The following CCDC102A variants were observed in gnomAD, a reference collection of about 807,000 sequenced individuals.
The protein encoded by CCDC102A is coiled-coil domain containing 102A, also known as coiled-coil domain-containing protein 102A.
In CCDC102A, 40 loss-of-function variants were observed where a neutral mutation model predicts 55.5. That is an observed-to-expected ratio of 0.72 (90% CI 0.56 to 0.94). CCDC102A has a LOEUF of 0.94. CCDC102A is among the 40% of genes least tolerant of loss of function. The pLI, the probability that CCDC102A is intolerant of heterozygous loss-of-function variation, is 0.00. For missense variants in CCDC102A, 779 were observed against 768.6 expected, an observed-to-expected ratio of 1.01 and a Z score of -0.16; for synonymous variants, 323 against 339.0, an observed-to-expected ratio of 0.95 and a Z score of 0.52.
rs960201357 is a variant in CCDC102A, at chr16:57,516,710, A to G, written c.1249-247T>C. The G allele has an allele frequency of 8.9e-6, 5 of 564,350 alleles. No homozygotes were observed. The African/African-American group carries it at 9.4e-5, about 11-fold the overall frequency. The allele number at this position is 564,350 out of a possible 1,614,324, so 35.0% of individuals were successfully genotyped here. ...ACCTGTGGCTCCGGTTTGGATGTGT[A>G]ACTTTCAGATGCTACTGGATCTACC... On this transcript the variant is annotated intron_variant, in intron 6 of 8. Coordinates refer to ENST00000258214, the MANE Select transcript of CCDC102A (RefSeq NM_033212.4). The surrounding 1 kb of genome is among the most constrained non-coding windows in gnomAD (Gnocchi z 4.4).
rs1415223400 is a variant in CCDC102A at position 57,512,358 on chromosome 16, G to T, written c.*383C>A. 2 of 399,586 alleles carry T rather than the reference G, an allele frequency of 5.0e-6. No homozygotes were observed. Among genetic ancestry groups the T allele is most frequent in the Non-Finnish European group, 4.4e-6 (1 of 226,866 alleles). 24.8% of individuals were successfully genotyped at this position (399,586 alleles called of 1,614,324 possible). On this transcript the variant is annotated 3_prime_UTR_variant, in exon 9 of 9. Coordinates refer to ENST00000258214, the MANE Select transcript of CCDC102A (RefSeq NM_033212.4). Reference sequence around the variant, plus strand: ...GGTTCACTGCATTGTATGATGAACAGCGAAGCCTAGAGAGGCAGCCCAGGG... The same window carrying T: ...GGTTCACTGCATTGTATGATGAACATCGAAGCCTAGAGAGGCAGCCCAGGG...
chr16:57,533,152 C>T (rs1415673691), intron 1 of CCDC102A, among the ~76,000 whole-genome samples: 2 of 152,204 alleles, frequency 1.3e-5, no homozygotes, highest in East Asian at 1.9e-4. Context: ...TTCTCCTTCC[C>T]AGCGGCCTGG....
chr16:57,525,773 G>T, intron 3 of CCDC102A, 128 bp downstream of exon 3: 2 of 832,620 alleles, frequency 2.4e-6, no homozygotes, highest in Non-Finnish European at 1.9e-6. Flanking sequence ...GAACACCACT[G>T]CTCTACAGTT....
chr16:57,517,844 T>C (rs1360813291), intron 6 of CCDC102A, among the ~76,000 whole-genome samples: 1 of 152,256 alleles, frequency 6.6e-6, no homozygotes, highest in African/African-American at 2.4e-5. Context: ...AGGCCACATC[T>C]GTCTGTTCAG....
At chr16:57,532,875 G>A (rs868508769) in intron 1 of CCDC102A, among the ~76,000 whole-genome samples, 4 of 152,226 alleles carry the variant, frequency 2.6e-5, no homozygotes, top group Admixed American at 6.5e-5. Flanking sequence ...GCCGGCAGCT[G>A]TGCTGGGTAT....
At chr16:57,514,666 C>A (rs1054267424) in intron 8 of CCDC102A, among the ~76,000 whole-genome samples, 1 of 152,242 alleles carries the variant, frequency 6.6e-6, no homozygotes, top group Admixed American at 6.5e-5. Context: ...ACCATTCAGG[C>A]AGTCTGGCTG....
In CCDC102A at chr16:57,516,208, G is replaced by A; in HGVS notation, c.1419+85C>T. 1 of 1,395,428 alleles carries A rather than the reference G, an allele frequency of 7.2e-7. No homozygotes were observed. The highest frequency in any genetic ancestry group is 9.8e-7 in the Non-Finnish European group (1 of 1,018,446). 86.4% of individuals were successfully genotyped at this position (1,395,428 alleles called of 1,614,324 possible). ...GCTTGTGCCAGGCACCAGGGGCTGA[G>A]AATGGAGAAGCCAGGATGGCCCTGC... On this transcript the variant is annotated intron_variant, in intron 7 of 8. Coordinates refer to ENST00000258214, the MANE Select transcript of CCDC102A (RefSeq NM_033212.4). The surrounding 1 kb of genome is among the most constrained non-coding windows in gnomAD (Gnocchi z 4.4).
intron 3 of CCDC102A, 31 bp from the exon 4 acceptor site, chr16:57,521,207 C>T: frequency 6.5e-7 from 1 of 1,544,792 alleles, no homozygotes; most frequent in African/African-American, 1.4e-5. Flanking sequence ...GGGGTGAGCC[C>T]ACCAAGGCCC....
In CCDC102A at chr16:57,528,928, G is replaced by A. The variant is rs762836643; in HGVS notation, c.250C>T (p.Arg84Trp). Residue 84 changes from arginine (R) to tryptophan (W), a missense_variant, in exon 2 of 9, where the codon CGG becomes TGG. By Grantham distance (101) the Arg-to-Trp change is moderately radical. Coordinates refer to ENST00000258214, the MANE Select transcript of CCDC102A (RefSeq NM_033212.4). ...ELRLRELEEA[R>W]ARAAQMEKTM... is the part of the protein sequence containing the mutation. ...TTCTCCATCTGCGCCGCCCGCGCCC[G>A]CGCCTCCTCCAGCTCCCGCAGCCGC... The A allele has an allele frequency of 2.9e-6, 4 of 1,401,392 alleles. No individual in the cohort carries two copies. Among genetic ancestry groups the A allele is most frequent in the Non-Finnish European group, 3.7e-6 (4 of 1,067,724 alleles). The allele number at this position is 1,401,392 out of a possible 1,614,324, so 86.8% of individuals were successfully genotyped here.
intron 1 of CCDC102A, among the ~76,000 whole-genome samples, chr16:57,536,028 G>C (rs547289085): frequency 2.6e-5 from 4 of 152,212 alleles, no homozygotes; most frequent in African/African-American, 9.6e-5. Flanking sequence ...AGGGTGGAGG[G>C]GGTTCCCGGC....
chr16:57,527,222 GA>G (rs2032152138), intron 2 of CCDC102A, among the ~76,000 whole-genome samples: 1 of 152,302 alleles, frequency 6.6e-6, no homozygotes, highest in Admixed American at 6.5e-5. Flanking sequence ...CTGAGCTGGG[GA>G]CAGAGCTGGG....
intron 8 of CCDC102A, among the ~76,000 whole-genome samples, chr16:57,514,825 C>T (rs917374355): frequency 5.3e-5 from 8 of 152,196 alleles, no homozygotes; most frequent in African/African-American, 1.9e-4. Flanking sequence ...TTTCTGATAT[C>T]GCCTGGTTCT....
intron 2 of CCDC102A, among the ~76,000 whole-genome samples, chr16:57,528,258 A>G (rs767672292): frequency 2.6e-5 from 4 of 152,230 alleles, no homozygotes; most frequent in Non-Finnish European, 5.9e-5. Context: ...CCCACCGCTC[A>G]GCTCTGATTG....
chr16:57,520,617 A>AAAAT (rs869106657), intron 4 of CCDC102A, among the ~76,000 whole-genome samples: 1 of 146,158 alleles, frequency 6.8e-6, no homozygotes, highest in African/African-American at 2.6e-5. Context: ...TAAATAAAAT[A>AAAAT]AAATAAAATA....
At chr16:57,530,667 G>A (rs2032240449) in intron 1 of CCDC102A, among the ~76,000 whole-genome samples, 1 of 152,062 alleles carries the variant, frequency 6.6e-6, no homozygotes. Context: ...GAGGACAGAG[G>A]GGTTCTCCTT....
chr16:57,517,996 G>A, intron 6 of CCDC102A, 72 bp downstream of exon 6: 1 of 1,472,546 alleles, frequency 6.8e-7, no homozygotes, highest in African/African-American at 1.4e-5. Flanking sequence ...CTGACACATA[G>A]TAGGGAAGCT....
In CCDC102A at chr16:57,515,553, C is replaced by T. The variant is rs542558928; in HGVS notation, c.1420-109G>A. ...GCTGTTCCCTGGGAAGGTGCTCCTC[C>T]GAGAGTGTTTGCTCCTTGAGGCCTA... On this transcript the variant is annotated intron_variant, in intron 7 of 8. Transcript: ENST00000258214. The T allele has an allele frequency of 3.5e-4, 247 of 714,548 alleles. 2 individuals are homozygous for T. The highest frequency in any genetic ancestry group is 4.7e-4 in the African/African-American group (27 of 57,362). 44.3% of individuals were successfully genotyped at this position (714,548 alleles called of 1,614,324 possible).
rs2146694464 is a variant in CCDC102A, at chr16:57,512,357, A to G, written c.*384T>C. The G allele has an allele frequency of 2.5e-6, 1 of 399,700 alleles. No homozygotes were observed. The highest frequency in any genetic ancestry group is 1.3e-4 in the South Asian group (1 of 7,932). 24.8% of individuals were successfully genotyped at this position (399,700 alleles called of 1,614,324 possible). ...GGGTTCACTGCATTGTATGATGAAC[A>G]GCGAAGCCTAGAGAGGCAGCCCAGG... On this transcript the variant is annotated 3_prime_UTR_variant, in exon 9 of 9. Transcript: ENST00000258214.
At position 57,521,139 on chromosome 16, in the gene CCDC102A, C is replaced by G; in HGVS notation, c.850G>C (p.Glu284Gln). 1.2e-6 allele frequency: 2 copies of G among 1,613,610 alleles called. No homozygotes were observed. The highest frequency in any genetic ancestry group is 1.7e-6 in the Non-Finnish European group (2 of 1,180,004). The change falls in exon 4 of 9, where the codon GAG becomes CAG. Residue 284 changes from glutamate to glutamine, a missense_variant. By Grantham distance (29) the Glu-to-Gln change is conservative. Coordinates refer to ENST00000258214, the MANE Select transcript of CCDC102A (RefSeq NM_033212.4). Reference sequence around the variant, plus strand: ...ATCTTCCACTGGCTGAGCTCCCCCTCTAGCTTCTCAATGTTCCTGCTCAAC... The same window carrying G: ...ATCTTCCACTGGCTGAGCTCCCCCTGTAGCTTCTCAATGTTCCTGCTCAAC... The part of the protein sequence containing the change: ...LALSRNIEKL[E>Q]GELSQWKIKY...
Sources: allele counts gnomAD v4.1 joint callset (sites outside exome capture counted in the v4.1 genomes callset), GRCh38; gene constraint gnomAD v4.1.1; non-coding constraint Gnocchi (gnomAD v3.1); transcripts MANE v1.5; gene names NCBI Gene and HGNC (gene_info 2026-07-23, HGNC 2026-07-21).